The following PYGB variants were observed in gnomAD, a reference collection of about 807,000 sequenced individuals.
PYGB encodes the protein glycogen phosphorylase B.
PYGB carries 82 observed loss-of-function variants against 94.3 expected under a neutral mutation model. The observed-to-expected ratio is 0.87, with a 90% CI of 0.73 to 1.04. The LOEUF (loss-of-function observed/expected upper bound fraction) is 1.04, where lower values mean the gene tolerates loss of function less well. PYGB is among the 50% of genes least tolerant of loss of function. PYGB has a pLI of 0.00. For missense variants in PYGB, 1,132 were observed against 1,158.2 expected (o/e 0.98, Z 0.33); for synonymous variants, 488 against 479.1 (o/e 1.02, Z -0.24).
Position 25,296,682 on chromosome 20 carries a change from A to G in PYGB, c.*160A>G, listed in dbSNP as rs1276356760. On this transcript the variant is annotated 3_prime_UTR_variant, in exon 20 of 20. Coordinates refer to ENST00000216962, the MANE Select transcript of PYGB (RefSeq NM_002862.4). The stretch of plus-strand genomic sequence containing the variant: ...GGGGTCAGGGTGGTTTTGAGAGAGC[A>G]GGGTAAGGAAGGAATGTGCTAGAAG... 3.2e-6 allele frequency: 3 copies of G among 924,594 alleles called. No individual in the cohort carries two copies. Among genetic ancestry groups the G allele is most frequent in the Non-Finnish European group, 4.7e-6 (3 of 634,152 alleles). The allele number at this position is 924,594 out of a possible 1,614,324, so 57.3% of individuals were successfully genotyped here.
At chr20:25,267,691 C>A (rs915347484) in intron 2 of PYGB, among the ~76,000 whole-genome samples, 1 of 152,140 alleles carries the variant, frequency 6.6e-6, no homozygotes, top group East Asian at 1.9e-4. Flanking sequence ...CCACCGTACC[C>A]AGCTAATTTA....
At chr20:25,282,248 CTG>C in intron 12 of PYGB, 101 bp downstream of exon 12, 1 of 952,096 alleles carries the variant, frequency 1.1e-6, no homozygotes, top group Non-Finnish European at 1.6e-6. Flanking sequence ...AGGCAGGAGT[CTG>C]TCCCTCACGT....
intron 4 of PYGB, 109 bp downstream of exon 4, chr20:25,271,595 G>A: frequency 8.2e-7 from 1 of 1,217,206 alleles, no homozygotes; most frequent in South Asian, 1.3e-5. Context: ...CCAGGGGACT[G>A]CAGGCCGGCC....
intron 13 of PYGB, 141 bp downstream of exon 13, chr20:25,283,418 A>C (rs1415583616): frequency 1.4e-6 from 1 of 702,190 alleles, no homozygotes; most frequent in African/African-American, 1.8e-5. Context: ...AACAGGACTG[A>C]GGGTGAGGCT....
At chr20:25,275,076 G>A (rs1449860397) in intron 5 of PYGB, among the ~76,000 whole-genome samples, 2 of 152,228 alleles carry the variant, frequency 1.3e-5, no homozygotes, top group African/African-American at 2.4e-5. Context: ...CTGATGGGAT[G>A]GGGGCACGGA....
rs112180047 is a variant in PYGB, at chr20:25,286,391, C to T, written c.1769-2034C>T. 1.2e-3 allele frequency among the ~76,000 whole-genome samples: 179 copies of T among 152,292 alleles called. 1 individual carries two copies. The highest frequency in any genetic ancestry group is 4.1e-3 in the African/African-American group (170 of 41,562). ...CACTCTCCTCCCGTGCCCTCTGCTC[C>T]TCTCCTCTGCTCTCTGCCCCCCTCC... On this transcript the variant is annotated intron_variant, in intron 14 of 19. Transcript: ENST00000216962.
At position 25,282,983 on chromosome 20, in the gene PYGB, C is replaced by A. The variant is rs546377275; in HGVS notation, c.1519-193C>A. ...GGTGGGACTGGGCCATCTCGCAGAG[C>A]CCTCTCAGAAGAGGAAGGAGGGGCT... On this transcript the variant is annotated intron_variant, in intron 12 of 19. Transcript: ENST00000216962. Among the ~76,000 whole-genome samples, 19 of 152,202 alleles carry A rather than the reference C, an allele frequency of 1.2e-4. No individual in the cohort carries two copies. In the South Asian group the frequency reaches 3.7e-3, roughly 30 times the overall value.
intron 14 of PYGB, among the ~76,000 whole-genome samples, chr20:25,286,413 C>T (rs1409158769): frequency 6.6e-6 from 1 of 152,132 alleles, no homozygotes; most frequent in Non-Finnish European, 1.5e-5. Flanking sequence ...CTCTGCCCCC[C>T]TCCCTGAGGA....
At chr20:25,266,810 G>T (rs556820147) in intron 2 of PYGB, among the ~76,000 whole-genome samples, 1 of 152,136 alleles carries the variant, frequency 6.6e-6, no homozygotes. Context: ...ACAATGAGAC[G>T]CCGCTGTATT....
chr20:25,278,294 C>T, intron 7 of PYGB, 25 bp from the exon 8 acceptor site: 3 of 1,075,536 alleles, frequency 2.8e-6, no homozygotes, highest in Non-Finnish European at 3.6e-6. Flanking sequence ...AGCCTGCACC[C>T]TCCAGCTTGC....
At chr20:25,274,225 C>T (rs1223191608) in intron 4 of PYGB, among the ~76,000 whole-genome samples, 3 of 152,220 alleles carry the variant, frequency 2.0e-5, no homozygotes, top group African/African-American at 4.8e-5. Flanking sequence ...TGTGCAGGTG[C>T]TTGTTCTGAA....
chr20:25,291,215 G>A (rs2088464681), intron 16 of PYGB, among the ~76,000 whole-genome samples: 1 of 152,290 alleles, frequency 6.6e-6, no homozygotes, highest in South Asian at 2.1e-4. Context: ...GCTTCCTGAG[G>A]GCAGCCTGGG....
intron 1 of PYGB, 93 bp downstream of exon 1, chr20:25,248,514 C>G: frequency 1.6e-6 from 2 of 1,242,386 alleles, no homozygotes; most frequent in Non-Finnish European, 1.0e-6. Context: ...GGCGGCCCGT[C>G]GGGCGTTACC....
chr20:25,280,389 G>T lies in PYGB; in HGVS notation c.1216G>T (p.Ala406Ser), dbSNP rs752015464. 3 of 1,614,162 alleles carry T rather than the reference G, an allele frequency of 1.9e-6. No individual in the cohort carries two copies. In the East Asian group the frequency reaches 6.7e-5, roughly 36 times the overall value. Residue 406 changes from alanine to serine, a missense_variant, in exon 10 of 20, where the codon GCC (alanine) becomes TCC (serine). Coordinates refer to ENST00000216962, the MANE Select transcript of PYGB (RefSeq NM_002862.4). ...GCCGCGGCACCTGGAGATAATCTAT[G>T]CCATCAACCAGCGGCACCTGGACGT... ...LLPRHLEIIYAINQRHLDHVA... is the reference protein window; with the variant it reads ...LLPRHLEIIYSINQRHLDHVA...
intron 15 of PYGB, 136 bp from the exon 16 acceptor site, chr20:25,290,345 C>A: frequency 8.6e-7 from 1 of 1,163,800 alleles, no homozygotes; most frequent in Non-Finnish European, 1.2e-6. Context: ...GCCTCCCTAG[C>A]TCCTCTACTG....
intron 17 of PYGB, chr20:25,293,914 T>A (rs1317503718): frequency 1.8e-6 from 1 of 550,050 alleles, no homozygotes; most frequent in East Asian, 3.2e-5. Context: ...TGATGACATT[T>A]CTTTAACAGT....
At chr20:25,274,530 G>A in intron 4 of PYGB, 62 bp from the exon 5 acceptor site, 1 of 1,586,076 alleles carries the variant, frequency 6.3e-7, no homozygotes, top group Non-Finnish European at 8.6e-7. Flanking sequence ...GCTGGGTCCA[G>A]GACAGGGCGG....
intron 5 of PYGB, 130 bp downstream of exon 5, chr20:25,274,853 G>A (rs2088297037): frequency 7.2e-7 from 1 of 1,381,424 alleles, no homozygotes; most frequent in South Asian, 1.4e-5. Flanking sequence ...TAAGGTAAAA[G>A]CCGGGGGAGG....
chr20:25,290,716 G>C (rs2088459098), intron 16 of PYGB, 94 bp downstream of exon 16: 12 of 1,517,124 alleles, frequency 7.9e-6, no homozygotes, highest in Middle Eastern at 3.6e-4. Flanking sequence ...AGCCAGTTCA[G>C]CTCTGCCTGG....
Sources: gnomAD v4.1 joint callset for allele counts (sites outside exome capture counted in the v4.1 genomes callset) on GRCh38, gnomAD v4.1.1 for gene constraint, MANE v1.5 for transcripts, NCBI Gene and HGNC (gene_info 2026-07-23, HGNC 2026-07-21) for gene names.